Variants in C12orf42 observed in about 807,000 individuals in gnomAD.
C12orf42 encodes uncharacterized protein C12orf42.
A neutral mutation model predicts 21.6 loss-of-function variants in C12orf42; 25 were observed. The observed-to-expected ratio is 1.16, with a 90% CI of 0.84 to 1.62. C12orf42 has a LOEUF of 1.62. C12orf42 is among the 40% of genes most tolerant of loss of function. C12orf42 has a pLI of 0.00. For synonymous variants in C12orf42, 174 were observed against 175.0 expected (o/e 0.99, Z 0.05); for missense variants, 483 against 459.3 (o/e 1.05, Z -0.47).
intron 2 of C12orf42, among the ~76,000 whole-genome samples, chr12:103,421,478 G>T (rs1473016665): frequency 6.6e-6 from 1 of 151,924 alleles, no homozygotes; most frequent in Non-Finnish European, 1.5e-5. Context: ...GGAGGCTGAG[G>T]TGAGAGCATC....
At chr12:103,140,345 A>T in the C12orf42 span, among the ~76,000 whole-genome samples, 1 of 152,202 alleles carries the variant, frequency 6.6e-6, no homozygotes, top group African/African-American at 2.4e-5. Flanking sequence ...GACCCCGGGA[A>T]GGGAATCCTC....
the C12orf42 span, among the ~76,000 whole-genome samples, chr12:103,108,147 G>GA: frequency 4.0e-5 from 6 of 150,456 alleles, no homozygotes; most frequent in Non-Finnish European, 4.5e-5. Context: ...AAAAAGAAAG[G>GA]AAAAAATAAA....
At chr12:103,545,104 T>A in the C12orf42 span, among the ~76,000 whole-genome samples, 1 of 152,350 alleles carries the variant, frequency 6.6e-6, no homozygotes, top group South Asian at 2.1e-4. Context: ...CTCTTTGGAT[T>A]TTTTCCTTCC....
At chr12:103,533,462 C>A in the C12orf42 span, among the ~76,000 whole-genome samples, 1 of 152,134 alleles carries the variant, frequency 6.6e-6, no homozygotes, top group East Asian at 1.9e-4. Context: ...TCCCAATTTT[C>A]CACAAAAATG....
chr12:103,529,707 T>C, the C12orf42 span, among the ~76,000 whole-genome samples: 1 of 152,224 alleles, frequency 6.6e-6, no homozygotes, highest in African/African-American at 2.4e-5. Flanking sequence ...GATAAATGCA[T>C]TTCCACTGAT....
At chr12:103,409,321 G>A (rs1032816768) in intron 2 of C12orf42, among the ~76,000 whole-genome samples, 1 of 152,182 alleles carries the variant, frequency 6.6e-6, no homozygotes. Context: ...TCAGAGGCCT[G>A]TCATGACTTT....
chr12:103,475,365 T>A (rs564207738), intron 2 of C12orf42, among the ~76,000 whole-genome samples: 1 of 152,340 alleles, frequency 6.6e-6, no homozygotes, highest in Admixed American at 6.5e-5. Context: ...GTTTGATTGG[T>A]CATTGCTAAG....
intron 10 of C12orf42, among the ~76,000 whole-genome samples, chr12:103,250,056 C>CATCT (rs3063670): frequency 0.088 from 13,025 of 148,094 alleles, 608 homozygotes; most frequent in East Asian, 0.17. Context: ...AAATCAAAGA[C>CATCT]ATCTATCTAT....
the C12orf42 span, among the ~76,000 whole-genome samples, chr12:103,548,421 C>G: frequency 6.6e-6 from 1 of 152,148 alleles, no homozygotes; most frequent in Non-Finnish European, 1.5e-5. Flanking sequence ...TGCCACTCCT[C>G]CAAGTACTAA....
intron 5 of C12orf42, chr12:103,277,129 A>G (rs1423366388): frequency 6.6e-6 from 3 of 455,814 alleles, no homozygotes; most frequent in Admixed American, 4.7e-5. Flanking sequence ...CGCTAGCAAA[A>G]TCATACCAAA....
intron 4 of C12orf42, among the ~76,000 whole-genome samples, chr12:103,333,075 G>A (rs889867560): frequency 3.3e-5 from 5 of 152,166 alleles, no homozygotes; most frequent in African/African-American, 7.2e-5. Flanking sequence ...AATTTAAGAA[G>A]AGAGTGATGG....
chr12:103,094,407 C>T, the C12orf42 span, among the ~76,000 whole-genome samples: 6 of 152,162 alleles, frequency 3.9e-5, no homozygotes, highest in African/African-American at 1.4e-4. Context: ...TTGTCTTAAT[C>T]CATAGACCAC....
At chr12:103,071,403 A>G in the C12orf42 span, among the ~76,000 whole-genome samples, 1 of 152,148 alleles carries the variant, frequency 6.6e-6, no homozygotes, top group Non-Finnish European at 1.5e-5. Flanking sequence ...AAGTGGTAAA[A>G]TTGACAACTC....
intron 4 of C12orf42, among the ~76,000 whole-genome samples, chr12:103,343,553 C>T (rs1000191030): frequency 1.3e-5 from 2 of 151,962 alleles, no homozygotes; most frequent in South Asian, 2.1e-4. Flanking sequence ...CCGAGGCGGG[C>T]GGATCACCTG....
chr12:103,064,428 A>G, the C12orf42 span, among the ~76,000 whole-genome samples: 3 of 152,216 alleles, frequency 2.0e-5, no homozygotes, highest in Non-Finnish European at 4.4e-5. Flanking sequence ...GAGTTCTGGC[A>G]TTGACTAATT....
chr12:103,506,858 T>TTA, the C12orf42 span, among the ~76,000 whole-genome samples: 62 of 72,134 alleles, frequency 8.6e-4, no homozygotes, highest in South Asian at 6.1e-3. Context: ...TATTTATATA[T>TTA]TATATATATA....
the C12orf42 span, among the ~76,000 whole-genome samples, chr12:103,185,726 A>T: frequency 1.3e-5 from 2 of 151,982 alleles, no homozygotes; most frequent in African/African-American, 2.4e-5. Flanking sequence ...TTCTCATGAG[A>T]TCTGATGGTT....
At chr12:103,460,165 T>C (rs1255796349) in intron 2 of C12orf42, among the ~76,000 whole-genome samples, 1 of 152,106 alleles carries the variant, frequency 6.6e-6, no homozygotes, top group Non-Finnish European at 1.5e-5. Flanking sequence ...TATCCAACTA[T>C]CCATGTGGCA....
intron 5 of C12orf42, among the ~76,000 whole-genome samples, chr12:103,271,038 G>A (rs2035446048): frequency 6.6e-6 from 1 of 152,122 alleles, no homozygotes; most frequent in Non-Finnish European, 1.5e-5. Context: ...CAGGGGCAAA[G>A]CAGTAATTCT....
Sources: allele counts gnomAD v4.1 joint callset (sites outside exome capture counted in the v4.1 genomes callset), GRCh38; gene constraint gnomAD v4.1.1; transcripts MANE v1.5; gene names NCBI Gene and HGNC (gene_info 2026-07-23, HGNC 2026-07-21).